DLGAP1: variants seen among roughly 807,000 people sequenced by gnomAD.
The protein encoded by DLGAP1 is DLG associated protein 1.
DLGAP1 carries 11 observed loss-of-function variants against 90.8 expected under a neutral mutation model. The ratio of observed to expected loss-of-function variants is 0.12; its 90% CI spans 0.08 to 0.20. DLGAP1 has a LOEUF of 0.20. DLGAP1 is among the 10% of genes least tolerant of loss of function. DLGAP1 has a pLI of 1.00. For synonymous variants in DLGAP1, 558 were observed against 540.7 expected, an observed-to-expected ratio of 1.03 and a Z score of -0.44; for missense variants, 1,050 against 1,333.8, an observed-to-expected ratio of 0.79 and a Z score of 3.31.
chr18:3,950,590 A>C (rs2072966009), intron 3 of DLGAP1, among the ~76,000 whole-genome samples: 1 of 152,236 alleles, frequency 6.6e-6, no homozygotes, highest in African/African-American at 2.4e-5. Flanking sequence ...CAAACCAGTC[A>C]AATGAGTGAA....
chr18:3,695,031 C>T (rs1016932328), intron 7 of DLGAP1, among the ~76,000 whole-genome samples: 1 of 151,626 alleles, frequency 6.6e-6, no homozygotes, highest in African/African-American at 2.4e-5. Context: ...GCTCCGCCTC[C>T]TGGGTTCATG....
At chr18:3,992,096 G>A (rs2073981222) in intron 3 of DLGAP1, among the ~76,000 whole-genome samples, 1 of 152,078 alleles carries the variant, frequency 6.6e-6, no homozygotes, top group Admixed American at 6.6e-5. Flanking sequence ...ACTCTTTGTG[G>A]CTTCTTTCCC....
chr18:3,518,249 A>G (rs1332040221), intron 10 of DLGAP1, among the ~76,000 whole-genome samples: 1 of 152,202 alleles, frequency 6.6e-6, no homozygotes. Flanking sequence ...TGGGAATGGC[A>G]GGTCGGTGGA....
chr18:3,716,053 A>G (rs1241887969), intron 7 of DLGAP1, among the ~76,000 whole-genome samples: 1 of 152,232 alleles, frequency 6.6e-6, no homozygotes, highest in Non-Finnish European at 1.5e-5. Context: ...GATGTTATAT[A>G]CTTAGATAAA....
chr18:3,696,510 C>T (rs1053038697), intron 7 of DLGAP1, among the ~76,000 whole-genome samples: 6 of 152,092 alleles, frequency 3.9e-5, no homozygotes, highest in Admixed American at 6.6e-5. Flanking sequence ...TACTGATTTG[C>T]GTATGTTGAA....
chr18:4,422,583 CAATGT>C (rs949097298), intron 1 of DLGAP1, among the ~76,000 whole-genome samples: 1 of 151,612 alleles, frequency 6.6e-6, no homozygotes. Flanking sequence ...TCAGACATTT[CAATGT>C]AATTTAGATA....
chr18:4,428,316 C>T (rs1013527581), intron 1 of DLGAP1, among the ~76,000 whole-genome samples: 2 of 152,156 alleles, frequency 1.3e-5, no homozygotes, highest in Non-Finnish European at 2.9e-5. Flanking sequence ...TATGGTGGCT[C>T]ACGCCTGTAA....
chr18:3,714,639 G>GTT (rs869196557), intron 7 of DLGAP1, among the ~76,000 whole-genome samples: 39 of 93,032 alleles, frequency 4.2e-4, no homozygotes, highest in East Asian at 1.7e-3. Flanking sequence ...TGATTACGTG[G>GTT]TTTTTTTTTT....
intron 1 of DLGAP1, among the ~76,000 whole-genome samples, chr18:4,190,240 A>G (rs7408105): frequency 1 from 151,676 of 152,242 alleles, 75,559 homozygotes; most frequent in Middle Eastern, 1. Context: ...AATACATATT[A>G]TGAAGTGGAA....
chr18:4,044,763 CAAACA>C (rs1334691501), intron 2 of DLGAP1, among the ~76,000 whole-genome samples: 1 of 151,940 alleles, frequency 6.6e-6, no homozygotes, highest in Admixed American at 6.6e-5. Context: ...AAAAAACAAA[CAAACA>C]AAACAAACAA....
intron 7 of DLGAP1, chr18:3,721,376 A>C (rs2061976505): frequency 6.6e-6 from 1 of 152,200 alleles, no homozygotes; most frequent in South Asian, 2.1e-4. Flanking sequence ...TGACAACACC[A>C]TGACTAGATC....
At chr18:3,781,729 G>T (rs967499371) in intron 5 of DLGAP1, among the ~76,000 whole-genome samples, 2 of 152,138 alleles carry the variant, frequency 1.3e-5, no homozygotes, top group African/African-American at 2.4e-5. Flanking sequence ...GGGACCTGCT[G>T]GGAGCAAAGG....
At chr18:4,115,825 T>C (rs1017077394) in intron 2 of DLGAP1, among the ~76,000 whole-genome samples, 1 of 152,206 alleles carries the variant, frequency 6.6e-6, no homozygotes, top group Non-Finnish European at 1.5e-5. Context: ...TCTGCACTGT[T>C]TTTGTCAAAA....
chr18:3,954,491 G>A (rs928705572), intron 3 of DLGAP1, among the ~76,000 whole-genome samples: 8 of 152,204 alleles, frequency 5.3e-5, no homozygotes, highest in African/African-American at 1.4e-4. Flanking sequence ...TTACTAGTAA[G>A]TAAAATAATA....
At chr18:3,967,712 G>C (rs1320525904) in intron 3 of DLGAP1, among the ~76,000 whole-genome samples, 1 of 152,084 alleles carries the variant, frequency 6.6e-6, no homozygotes, top group East Asian at 1.9e-4. Flanking sequence ...CCCATACTTG[G>C]TTATTTTGTC....
chr18:4,219,140 T>C (rs1202059153), intron 1 of DLGAP1, among the ~76,000 whole-genome samples: 1 of 151,580 alleles, frequency 6.6e-6, no homozygotes, highest in Non-Finnish European at 1.5e-5. Context: ...TGTCAACATG[T>C]TATCTTTTGT....
At chr18:4,131,090 A>G (rs867682044) in intron 2 of DLGAP1, among the ~76,000 whole-genome samples, 34 of 152,270 alleles carry the variant, frequency 2.2e-4, no homozygotes, top group South Asian at 1.9e-3. Flanking sequence ...GAAATATATT[A>G]TGCAACTATT....
At chr18:3,789,201 C>T (rs1051853396) in intron 5 of DLGAP1, among the ~76,000 whole-genome samples, 3 of 152,088 alleles carry the variant, frequency 2.0e-5, no homozygotes, top group African/African-American at 4.8e-5. Flanking sequence ...GAGGGCCTTT[C>T]GGATAATTTA....
chr18:3,717,962 T>C (rs2061821884), intron 7 of DLGAP1, among the ~76,000 whole-genome samples: 1 of 152,232 alleles, frequency 6.6e-6, no homozygotes, highest in Non-Finnish European at 1.5e-5. Context: ...GCTTGCATCC[T>C]ATTTATTTAA....
Sources: allele counts gnomAD v4.1 joint callset (sites outside exome capture counted in the v4.1 genomes callset), GRCh38; gene constraint gnomAD v4.1.1; transcripts MANE v1.5; gene names NCBI Gene and HGNC (gene_info 2026-07-23, HGNC 2026-07-21).